TM4SF18: variants seen among roughly 807,000 people sequenced by gnomAD.
TM4SF18 encodes transmembrane 4 L6 family member 18.
In TM4SF18, 22 loss-of-function variants were observed where a neutral mutation model predicts 23.8. That is an observed-to-expected ratio of 0.92 (90% CI 0.66 to 1.32). The LOEUF is 1.32. Ranked by LOEUF, TM4SF18 falls within the 40% of genes most tolerant of loss-of-function variation. The pLI is 0.00. For missense variants in TM4SF18, 255 were observed against 240.3 expected (o/e 1.06, Z -0.41); for synonymous variants, 87 against 87.9 (o/e 0.99, Z 0.06).
intron 5 of TM4SF18, 95 bp from the exon 6 acceptor site, chr3:149,321,587 T>C (rs754620711): frequency 8.4e-5 from 64 of 758,106 alleles, no homozygotes; most frequent in Non-Finnish European, 9.8e-5. Context: ...TTATATTTCA[T>C]ATTCAAAATA....
rs1431792802 is a variant in TM4SF18, at chr3:149,322,346, G to A, written c.501C>T (p.Thr167=). The A allele has an allele frequency of 6.2e-7, 1 of 1,613,800 alleles. No individual in the cohort carries two copies. The highest frequency in any genetic ancestry group is 1.1e-5 in the South Asian group (1 of 91,050). Residue 167 remains threonine, a synonymous_variant, in exon 5 of 6, where the codon ACC becomes ACT. Coordinates refer to ENST00000296059, the MANE Select transcript of TM4SF18 (RefSeq NM_138786.4). ...WNIILFSILI[T]LSGLQVIICL... ...AGATGATCACTTGAAGCCCACTGAG[G>A]GTTATGAGAATGGAAAATAAAATGA...
intron 2 of TM4SF18, 92 bp from the exon 3 acceptor site, chr3:149,330,511 T>C: frequency 1.3e-6 from 1 of 780,708 alleles, no homozygotes; most frequent in Non-Finnish European, 2.0e-6. Flanking sequence ...GCATAGAGTC[T>C]GGGGTCAGGT....
chr3:149,324,024 C>T (rs1308358649), intron 4 of TM4SF18, among the ~76,000 whole-genome samples: 2 of 152,074 alleles, frequency 1.3e-5, no homozygotes, highest in African/African-American at 4.8e-5. Flanking sequence ...TGGACATGGG[C>T]CTTGAACAAT....
chr3:149,330,421 T>C lies in TM4SF18; in HGVS notation c.178-2A>G. ...AAGAACTGTTGTTACTATAAGCATC[T>C]ATAGGAGGGAAGACATAAAATGTTA... On this transcript the variant is annotated splice_acceptor_variant, in intron 2 of 5. Coordinates refer to ENST00000296059, the MANE Select transcript of TM4SF18 (RefSeq NM_138786.4). LOFTEE classifies it high-confidence loss of function. The C allele has an allele frequency of 6.4e-7, 1 of 1,572,782 alleles. No homozygotes were observed. The highest frequency in any genetic ancestry group is 8.7e-7 in the Non-Finnish European group (1 of 1,148,776).
At position 149,333,287 on chromosome 3, in the gene TM4SF18, A is replaced by G; in HGVS notation, c.96T>C (p.Asn32=). 1 of 1,613,968 alleles carries G rather than the reference A, an allele frequency of 6.2e-7. No individual in the cohort carries two copies. Among genetic ancestry groups the G allele is most frequent in the Non-Finnish European group, 8.5e-7 (1 of 1,179,940 alleles). The change falls in exon 2 of 6, where the codon AAT becomes AAC. Residue 32 remains asparagine (N), a synonymous_variant. Coordinates refer to ENST00000296059, the MANE Select transcript of TM4SF18 (RefSeq NM_138786.4). ...IIVNILLYFP[N]GQTSYASSNK... is the part of the protein sequence containing the mutation. The stretch of plus-strand genomic sequence containing the variant: ...TGCTGGATGCATAGGAAGTTTGCCC[A>G]TTCGGGAAATACAATAATATGTTCA...
intron 3 of TM4SF18, among the ~76,000 whole-genome samples, chr3:149,325,516 T>C (rs1306023480): frequency 6.6e-6 from 1 of 152,146 alleles, no homozygotes; most frequent in Non-Finnish European, 1.5e-5. Context: ...ACGATAGGAT[T>C]GATGGAGAGG....
intron 2 of TM4SF18, among the ~76,000 whole-genome samples, chr3:149,331,452 T>C (rs923287268): frequency 1.3e-5 from 2 of 152,180 alleles, no homozygotes; most frequent in African/African-American, 2.4e-5. Flanking sequence ...TCGTTAGTTA[T>C]GACAGATTGA....
At position 149,319,930 on chromosome 3, in the gene TM4SF18, T is replaced by G. The variant is rs1730767824; in HGVS notation, c.*1548A>C. ...AGCAAGACAATAGGCTGCCCATGAC[T>G]CTGGGGCCTGCCCCAGTTCAGTCAG... On this transcript the variant is annotated 3_prime_UTR_variant, in exon 6 of 6. Coordinates refer to ENST00000296059, the MANE Select transcript of TM4SF18 (RefSeq NM_138786.4). 6.6e-6 allele frequency: 1 copy of G among 152,384 alleles called. No homozygotes were observed. Among genetic ancestry groups the G allele is most frequent in the African/African-American group, 2.4e-5 (1 of 41,588 alleles). The allele number at this position is 152,384 out of a possible 1,614,324, so 9.4% of individuals were successfully genotyped here.
At chr3:149,323,374 C>T (rs994077642) in intron 4 of TM4SF18, among the ~76,000 whole-genome samples, 2 of 152,200 alleles carry the variant, frequency 1.3e-5, no homozygotes, top group African/African-American at 4.8e-5. Context: ...ATCTCCATCT[C>T]AGCTGCCAGG....
intron 5 of TM4SF18, 77 bp downstream of exon 5, chr3:149,322,179 T>C (rs1311727140): frequency 7.6e-7 from 1 of 1,307,352 alleles, no homozygotes; most frequent in Non-Finnish European, 1.1e-6. Context: ...TTCTAGAGTC[T>C]TTTCAAAAAG....
At chr3:149,324,735 G>A in intron 4 of TM4SF18, 145 bp downstream of exon 4, 1 of 1,011,000 alleles carries the variant, frequency 9.9e-7, no homozygotes, top group Non-Finnish European at 1.5e-6. Context: ...AATTGGTCTG[G>A]ATATTAGTAA....
At chr3:149,327,262 T>G (rs570430694) in intron 3 of TM4SF18, among the ~76,000 whole-genome samples, 66 of 152,304 alleles carry the variant, frequency 4.3e-4, no homozygotes, top group Admixed American at 2.4e-3. Flanking sequence ...AAACTATTTT[T>G]TAAACAAGTC....
chr3:149,332,499 T>G (rs1261473273), intron 2 of TM4SF18, among the ~76,000 whole-genome samples: 3 of 152,192 alleles, frequency 2.0e-5, no homozygotes, highest in African/African-American at 7.2e-5. Context: ...TTCTTGCCAT[T>G]GATAATTCAA....
At chr3:149,326,457 C>T (rs796078801) in intron 3 of TM4SF18, among the ~76,000 whole-genome samples, 2 of 152,134 alleles carry the variant, frequency 1.3e-5, no homozygotes, top group African/African-American at 4.8e-5. Context: ...GGTACATTTT[C>T]CTCTTGGCAA....
chr3:149,332,596 T>C (rs1027171246), intron 2 of TM4SF18, among the ~76,000 whole-genome samples: 4 of 152,228 alleles, frequency 2.6e-5, no homozygotes, highest in African/African-American at 7.2e-5. Flanking sequence ...ATAATCATAA[T>C]TACAACAGTC....
intron 3 of TM4SF18, among the ~76,000 whole-genome samples, chr3:149,327,422 C>T (rs749935419): frequency 6.2e-5 from 9 of 144,882 alleles, no homozygotes; most frequent in Non-Finnish European, 1.3e-4. Flanking sequence ...CAAAGACACA[C>T]ATTGGAGGAA....
Position 149,319,191 on chromosome 3 carries a change from A to T in TM4SF18, c.*2287T>A, listed in dbSNP as rs17195575. The T allele has an allele frequency of 3.3e-5, 5 of 152,218 alleles. No individual in the cohort carries two copies. Among genetic ancestry groups the T allele is most frequent in the African/African-American group, 1.2e-4 (5 of 41,460 alleles). The allele number at this position is 152,218 out of a possible 1,614,324, so 9.4% of individuals were successfully genotyped here. A position where few individuals can be genotyped will look rare whatever the true frequency, so the allele number is the denominator to read the frequency against. On this transcript the variant is annotated 3_prime_UTR_variant, in exon 6 of 6. Coordinates refer to ENST00000296059, the MANE Select transcript of TM4SF18 (RefSeq NM_138786.4). ...AACAAGAGATAGACAGTCTGAAAGT[A>T]TATAACAAACTGATGAAGTGGACCT...
At chr3:149,329,276 C>G (rs1270135205) in intron 3 of TM4SF18, among the ~76,000 whole-genome samples, 1 of 152,002 alleles carries the variant, frequency 6.6e-6, no homozygotes, top group East Asian at 1.9e-4. Context: ...TTTTAAAAGA[C>G]ATTGGTCAAA....
chr3:149,332,652 T>G (rs547803567), intron 2 of TM4SF18, among the ~76,000 whole-genome samples: 1 of 152,336 alleles, frequency 6.6e-6, no homozygotes, highest in African/African-American at 2.4e-5. Flanking sequence ...GCACTTTATA[T>G]ATATTTTATC....
Sources: allele counts gnomAD v4.1 joint callset (sites outside exome capture counted in the v4.1 genomes callset), GRCh38; gene constraint gnomAD v4.1.1; transcripts MANE v1.5; gene names NCBI Gene and HGNC (gene_info 2026-07-23, HGNC 2026-07-21).